Variants in FRMD4A observed in about 807,000 individuals in gnomAD.
FRMD4A encodes the protein FERM domain-containing protein 4A.
In FRMD4A, 29 loss-of-function variants were observed where a neutral mutation model predicts 129.1. That is an observed-to-expected ratio of 0.22 (90% CI 0.17 to 0.31). FRMD4A has a LOEUF of 0.31. Ranked by LOEUF, FRMD4A falls within the 10% of genes least tolerant of loss-of-function variation. The pLI, the probability that FRMD4A is intolerant of heterozygous loss-of-function variation, is 1.00. For missense variants in FRMD4A, 1,272 were observed against 1,375.8 expected (o/e 0.92, Z 1.19); for synonymous variants, 634 against 571.6 (o/e 1.11, Z -1.56).
At chr10:13,898,949 G>A (rs145174881) in intron 2 of FRMD4A, among the ~76,000 whole-genome samples, 1 of 152,240 alleles carries the variant, frequency 6.6e-6, no homozygotes, top group African/African-American at 2.4e-5. Context: ...CTGGAGGGCC[G>A]AGGTGGGAGG....
chr10:14,071,927 G>T (rs545432475), intron 2 of FRMD4A, among the ~76,000 whole-genome samples: 1 of 152,162 alleles, frequency 6.6e-6, no homozygotes, highest in African/African-American at 2.4e-5. Context: ...TTCCTTCCCC[G>T]TGTTGCAAGG....
chr10:14,322,374 T>C (rs569630972), intron 2 of FRMD4A, among the ~76,000 whole-genome samples: 112 of 152,178 alleles, frequency 7.4e-4, no homozygotes, highest in Non-Finnish European at 1.4e-3. Flanking sequence ...AATTCTACAT[T>C]TGAGCTGGGC....
chr10:14,037,051 C>A (rs1261631515), intron 2 of FRMD4A, among the ~76,000 whole-genome samples: 1 of 152,162 alleles, frequency 6.6e-6, no homozygotes, highest in Non-Finnish European at 1.5e-5. Flanking sequence ...CTACAGCCAC[C>A]CAGTTCTCAC....
chr10:14,005,091 T>A (rs1051296678), intron 2 of FRMD4A, among the ~76,000 whole-genome samples: 3 of 152,000 alleles, frequency 2.0e-5, no homozygotes, highest in East Asian at 3.9e-4. Flanking sequence ...GGCTCCATCT[T>A]GGCTCACAGC....
At chr10:14,234,943 T>C (rs1415292547) in intron 2 of FRMD4A, among the ~76,000 whole-genome samples, 1 of 152,232 alleles carries the variant, frequency 6.6e-6, no homozygotes, top group African/African-American at 2.4e-5. Context: ...CTCCAAGCTC[T>C]GACTTTCAAG....
chr10:14,055,842 T>C (rs1834500402), intron 2 of FRMD4A, among the ~76,000 whole-genome samples: 1 of 152,260 alleles, frequency 6.6e-6, no homozygotes, highest in Non-Finnish European at 1.5e-5. Context: ...ACAATGCAAT[T>C]ATAGTCTTTT....
At chr10:14,150,968 T>C (rs1840310965) in intron 2 of FRMD4A, among the ~76,000 whole-genome samples, 1 of 152,230 alleles carries the variant, frequency 6.6e-6, no homozygotes, top group Admixed American at 6.5e-5. Context: ...TCATATCTAA[T>C]AACCTAAGCA....
intron 8 of FRMD4A, among the ~76,000 whole-genome samples, chr10:13,761,208 T>C (rs907634217): frequency 2.6e-5 from 4 of 152,210 alleles, no homozygotes; most frequent in Admixed American, 2.0e-4. Context: ...TTTTCACGAA[T>C]GAAATTTCCC....
intron 2 of FRMD4A, among the ~76,000 whole-genome samples, chr10:14,019,361 T>C (rs1467467714): frequency 6.6e-6 from 1 of 152,210 alleles, no homozygotes; most frequent in East Asian, 1.9e-4. Flanking sequence ...AAGGCAATTA[T>C]CAACTCCAGG....
intron 12 of FRMD4A, among the ~76,000 whole-genome samples, chr10:13,725,205 C>T (rs1486400855): frequency 6.6e-6 from 1 of 152,126 alleles, no homozygotes. Context: ...AAACTGAGGC[C>T]CAGGGAAGTG....
intron 3 of FRMD4A, among the ~76,000 whole-genome samples, chr10:13,836,580 C>T (rs1340474331): frequency 6.6e-6 from 1 of 152,078 alleles, no homozygotes; most frequent in Non-Finnish European, 1.5e-5. Context: ...CTTGACAGAG[C>T]CAGTTATAGC....
chr10:14,021,263 G>C (rs181978678), intron 2 of FRMD4A, among the ~76,000 whole-genome samples: 1 of 152,024 alleles, frequency 6.6e-6, no homozygotes, highest in African/African-American at 2.4e-5. Context: ...GGGGGGTCCA[G>C]ACATGGTGGC....
At chr10:14,166,714 C>T (rs1372584592) in intron 2 of FRMD4A, among the ~76,000 whole-genome samples, 4 of 152,290 alleles carry the variant, frequency 2.6e-5, no homozygotes, top group South Asian at 2.1e-4. Flanking sequence ...AAAAGGGCAA[C>T]GAAATGGCCT....
At chr10:13,789,287 C>A (rs868510798) in intron 5 of FRMD4A, among the ~76,000 whole-genome samples, 2 of 152,134 alleles carry the variant, frequency 1.3e-5, no homozygotes, top group Non-Finnish European at 2.9e-5. Context: ...CTCCATCAGC[C>A]AGGGAAGATA....
intron 6 of FRMD4A, among the ~76,000 whole-genome samples, chr10:13,769,951 GC>G (rs2092408197): frequency 6.6e-6 from 1 of 152,088 alleles, no homozygotes; most frequent in African/African-American, 2.4e-5. Context: ...TCTCCAGCTT[GC>G]AGACAGCAGA....
intron 2 of FRMD4A, among the ~76,000 whole-genome samples, chr10:13,998,528 A>G (rs1241497630): frequency 1.3e-5 from 2 of 152,148 alleles, no homozygotes; most frequent in Non-Finnish European, 2.9e-5. Flanking sequence ...TCATTATCTC[A>G]AGTTTAGCAC....
At chr10:13,929,298 G>A (rs578160960) in intron 2 of FRMD4A, among the ~76,000 whole-genome samples, 7 of 152,256 alleles carry the variant, frequency 4.6e-5, no homozygotes, top group East Asian at 1.9e-4. Flanking sequence ...AGAACTTGCC[G>A]TGTGTTCTCC....
intron 2 of FRMD4A, among the ~76,000 whole-genome samples, chr10:14,216,205 C>A (rs1031182098): frequency 6.6e-6 from 1 of 152,178 alleles, no homozygotes; most frequent in African/African-American, 2.4e-5. Context: ...CCCATCCTCA[C>A]TATTCCTAAT....
At chr10:14,161,116 G>A (rs1222063745) in intron 2 of FRMD4A, among the ~76,000 whole-genome samples, 1 of 152,092 alleles carries the variant, frequency 6.6e-6, no homozygotes, top group East Asian at 1.9e-4. Context: ...CACCACACCT[G>A]GATAATTTTT....
Sources: allele counts gnomAD v4.1 joint callset (sites outside exome capture counted in the v4.1 genomes callset), GRCh38; gene constraint gnomAD v4.1.1; transcripts MANE v1.5; gene names NCBI Gene and HGNC (gene_info 2026-07-23, HGNC 2026-07-21).